ADCY1: variants seen among roughly 807,000 people sequenced by gnomAD.
ADCY1 encodes adenylate cyclase 1, also known as adenylate cyclase type 1.
Under a neutral mutation model 105.4 loss-of-function variants are expected in ADCY1, and 28 were observed. The observed-to-expected ratio is 0.27, with a 90% CI of 0.20 to 0.36. ADCY1 has a LOEUF of 0.36. Among genes scored for constraint, ADCY1 ranks in the 10% least tolerant of loss-of-function variants. The pLI is 1.00. For missense variants in ADCY1, 977 were observed against 1,434.2 expected, an observed-to-expected ratio of 0.68 and a Z score of 5.15; for synonymous variants, 655 against 623.8, an observed-to-expected ratio of 1.05 and a Z score of -0.75.
At chr7:45,592,998 G>A (rs1236099118) in intron 2 of ADCY1, 90 bp downstream of exon 2, 15 of 1,526,468 alleles carry the variant, frequency 9.8e-6, no homozygotes, top group South Asian at 6.1e-5. Flanking sequence ...AGTTTACCCC[G>A]TGGTGACATG....
At chr7:45,654,433 C>T (rs1237963994) in intron 5 of ADCY1, among the ~76,000 whole-genome samples, 1 of 152,188 alleles carries the variant, frequency 6.6e-6, no homozygotes, top group Non-Finnish European at 1.5e-5. Context: ...TCCTCCCTGA[C>T]CCACTTTTGA....
intron 8 of ADCY1, among the ~76,000 whole-genome samples, chr7:45,662,479 T>TC (rs1347931910): frequency 6.6e-6 from 1 of 152,128 alleles, no homozygotes; most frequent in African/African-American, 2.4e-5. Context: ...AAGCTAAAAT[T>TC]CCCCACCTGC....
At chr7:45,616,907 G>A (rs749256329) in intron 3 of ADCY1, among the ~76,000 whole-genome samples, 4 of 152,196 alleles carry the variant, frequency 2.6e-5, no homozygotes, top group Non-Finnish European at 5.9e-5. Context: ...CAACCCACAG[G>A]AGGGGCAAGT....
chr7:45,610,725 G>GT (rs1793518042), intron 3 of ADCY1, among the ~76,000 whole-genome samples: 7 of 3,404 alleles, frequency 2.1e-3, no homozygotes, highest in South Asian at 0.014. Context: ...GGTGAGGAGG[G>GT]GATAGTGGAG....
intron 4 of ADCY1, among the ~76,000 whole-genome samples, chr7:45,623,261 A>C (rs1793951242): frequency 6.6e-6 from 1 of 152,252 alleles, no homozygotes; most frequent in South Asian, 2.1e-4. Flanking sequence ...GGGTTTTGAA[A>C]GACCTTCCTT....
intron 1 of ADCY1, among the ~76,000 whole-genome samples, chr7:45,588,656 G>A (rs1264151053): frequency 6.6e-6 from 1 of 152,000 alleles, no homozygotes; most frequent in African/African-American, 2.4e-5. Flanking sequence ...AGGGCCTGCG[G>A]ACAGGTCCTG....
At chr7:45,589,704 C>A (rs932141889) in intron 1 of ADCY1, among the ~76,000 whole-genome samples, 9 of 152,030 alleles carry the variant, frequency 5.9e-5, no homozygotes, top group African/African-American at 2.2e-4. Context: ...TGCTCATGGG[C>A]AGGTGTGGGG....
chr7:45,604,213 A>G (rs936345625), intron 2 of ADCY1, among the ~76,000 whole-genome samples: 7 of 152,142 alleles, frequency 4.6e-5, no homozygotes, highest in African/African-American at 1.7e-4. Context: ...GATTTTTTAA[A>G]CTGCTGGGCT....
rs755143535 is a variant in ADCY1, at chr7:45,703,869, G to A, written c.2718+123G>A. 661 of 1,343,010 alleles carry A rather than the reference G, an allele frequency of 4.9e-4. No individual in the cohort carries two copies. Among genetic ancestry groups the A allele is most frequent in the Non-Finnish European group, 6.3e-4 (625 of 995,212 alleles). The allele number at this position is 1,343,010 out of a possible 1,614,324, so 83.2% of individuals were successfully genotyped here. ...GCTGGAATGAGAGAAAGCAAATCCC[G>A]GGAAGCACAGGCATTCTGTCTCCTT... On this transcript the variant is annotated intron_variant, in intron 16 of 19. Transcript: ENST00000297323. This position sits in a 1 kb window ranked among gnomAD's most constrained non-coding sequence, Gnocchi z 5.9.
At chr7:45,610,769 A>AGTGGAAAT (rs1793528323) in intron 3 of ADCY1, among the ~76,000 whole-genome samples, 7 of 21,538 alleles carry the variant, frequency 3.3e-4, no homozygotes, top group Admixed American at 5.4e-4. Context: ...TAGAGGTGAT[A>AGTGGAAAT]GTGGAGGTGT....
At chr7:45,664,261 C>A in intron 8 of ADCY1, 1 of 1,529,274 alleles carries the variant, frequency 6.5e-7, no homozygotes, top group African/African-American at 1.4e-5. Context: ...CTGTGTCGGA[C>A]CCCACACATC....
Position 45,710,490 on chromosome 7 carries a change from T to C in ADCY1, c.2933-38T>C. On this transcript the variant is annotated intron_variant, in intron 18 of 19. Coordinates refer to ENST00000297323, the MANE Select transcript of ADCY1 (RefSeq NM_021116.4). The surrounding 1 kb of genome is among the most constrained non-coding windows in gnomAD (Gnocchi z 4.7). The stretch of plus-strand genomic sequence containing the variant: ...GCCCTGGTGGGGTGAGTTACACTTT[T>C]CCCGCTGATGACAGGTCATGCGCTG... The C allele has an allele frequency of 6.2e-7, 1 of 1,604,802 alleles. No individual in the cohort carries two copies. The highest frequency in any genetic ancestry group is 8.5e-7 in the Non-Finnish European group (1 of 1,175,162).
At chr7:45,616,875 T>C (rs112777007) in intron 3 of ADCY1, among the ~76,000 whole-genome samples, 9 of 152,202 alleles carry the variant, frequency 5.9e-5, no homozygotes, top group African/African-American at 1.7e-4. Context: ...AGGGGAAAAC[T>C]AGGAAGCAGA....
At chr7:45,664,488 C>G in intron 8 of ADCY1, 1 of 1,450,038 alleles carries the variant, frequency 6.9e-7, no homozygotes, top group Non-Finnish European at 9.1e-7. Flanking sequence ...TCAGCACTCT[C>G]TCCTGATCGT....
chr7:45,577,055 T>C (rs1234232070), intron 1 of ADCY1, among the ~76,000 whole-genome samples: 1 of 152,094 alleles, frequency 6.6e-6, no homozygotes, highest in Non-Finnish European at 1.5e-5. Context: ...CCCCCTGGGA[T>C]AAGATGAGCC....
Position 45,722,651 on chromosome 7 carries a change from A to T in ADCY1, c.*8656A>T, listed in dbSNP as rs898769392. ...CAAAGCCCACTTTTGGATTTTCTCGACTGTCCGAGAAAAGTTGTGTAAGCG... is the reference window on the plus strand; with the variant it reads ...CAAAGCCCACTTTTGGATTTTCTCGTCTGTCCGAGAAAAGTTGTGTAAGCG... On this transcript the variant is annotated 3_prime_UTR_variant, in exon 20 of 20. Coordinates refer to ENST00000297323, the MANE Select transcript of ADCY1 (RefSeq NM_021116.4). 3 of 152,234 alleles carry T rather than the reference A, an allele frequency of 2.0e-5. No homozygotes were observed. Among genetic ancestry groups the T allele is most frequent in the African/African-American group, 7.2e-5 (3 of 41,424 alleles). The allele number at this position is 152,234 out of a possible 1,614,324, so 9.4% of individuals were successfully genotyped here. A position where few individuals can be genotyped will look rare whatever the true frequency, so the allele number is the denominator to read the frequency against.
At chr7:45,675,863 T>G (rs1208893582) in intron 8 of ADCY1, among the ~76,000 whole-genome samples, 2 of 152,190 alleles carry the variant, frequency 1.3e-5, no homozygotes, top group Non-Finnish European at 2.9e-5. Context: ...TTGCCCTGTT[T>G]GAGATTTGCT....
intron 3 of ADCY1, among the ~76,000 whole-genome samples, chr7:45,621,266 A>G (rs566069265): frequency 6.6e-6 from 1 of 152,024 alleles, no homozygotes; most frequent in Non-Finnish European, 1.5e-5. Flanking sequence ...GGGTTTTTCC[A>G]TGTTGCTCAG....
chr7:45,701,917 T>TCTGGTCTA (rs1321078432), intron 14 of ADCY1, among the ~76,000 whole-genome samples: 1 of 152,252 alleles, frequency 6.6e-6, no homozygotes, highest in Middle Eastern at 3.4e-3. Flanking sequence ...CTCATCTGCT[T>TCTGGTCTA]CTGGTCTACG....
Sources: gnomAD v4.1 joint callset for allele counts (sites outside exome capture counted in the v4.1 genomes callset) on GRCh38, gnomAD v4.1.1 for gene constraint, Gnocchi (gnomAD v3.1) non-coding constraint, MANE v1.5 for transcripts, NCBI Gene and HGNC (gene_info 2026-07-23, HGNC 2026-07-21) for gene names.